The following SLC44A4 variants were observed in gnomAD, a reference collection of about 807,000 sequenced individuals.
SLC44A4 encodes choline transporter-like protein 4.
A neutral mutation model predicts 97.0 loss-of-function variants in SLC44A4; 74 were observed. The ratio of observed to expected loss-of-function variants is 0.76; its 90% confidence interval spans 0.63 to 0.93. SLC44A4 has a LOEUF of 0.93. SLC44A4 is among the 40% of genes least tolerant of loss of function. The pLI, the probability that SLC44A4 is intolerant of heterozygous loss-of-function variation, is 0.00. For synonymous variants in SLC44A4, 325 were observed against 363.8 expected (o/e 0.89, Z 1.21); for missense variants, 799 against 902.9 (o/e 0.88, Z 1.48).
chr6:31,869,487 T>C (rs1763031801), intron 12 of SLC44A4, 58 bp downstream of exon 12: 1 of 1,438,086 alleles, frequency 7.0e-7, no homozygotes, highest in Non-Finnish European at 9.6e-7. Flanking sequence ...AAGTATTGCT[T>C]TGTTTTCCAT....
intron 20 of SLC44A4, chr6:31,864,394 C>A (rs1230908917): frequency 3.5e-6 from 2 of 577,166 alleles, no homozygotes; most frequent in African/African-American, 1.9e-5. Flanking sequence ...CTAACTTCTA[C>A]CCGAGATTTC....
At position 31,864,901 on chromosome 6, in the gene SLC44A4, G is replaced by A. The variant is rs1270129377; in HGVS notation, c.1841C>T (p.Ser614Phe). The A allele has an allele frequency of 1.2e-6, 2 of 1,613,894 alleles. No homozygotes were observed. Among genetic ancestry groups the A allele is most frequent in the Admixed American group, 3.3e-5 (2 of 59,956 alleles). The change falls in exon 19 of 21, where the codon TCC becomes TTC. Residue 614 changes from serine to phenylalanine, a missense_variant. Transcript: ENST00000229729. ...LLVVGGVGVL[S>F]FFFFSGRIPG... is the part of the protein sequence containing the mutation. Reference sequence around the variant, plus strand: ...GATGCGACCGGAGAAAAAAAAGAAGGACAGGACCCCTGTGGAATAATTCTG... The same window carrying A: ...GATGCGACCGGAGAAAAAAAAGAAGAACAGGACCCCTGTGGAATAATTCTG...
rs976913132 is a variant in SLC44A4, at chr6:31,865,738, C to G, written c.1534G>C (p.Val512Leu). 1.2e-6 allele frequency: 2 copies of G among 1,613,586 alleles called. No homozygotes were observed. Among genetic ancestry groups the G allele is most frequent in the African/African-American group, 2.7e-5 (2 of 74,914 alleles). ...TCCAAGATGACCCGGGCTATCTGCA[C>G]AAGGGTCAGGATGAGGGCTCCAAAT... ...LAFGALILTL[V>L]QIARVILEYI... The change falls in exon 15 of 21, where the codon GTG becomes CTG. Residue 512 changes from valine to leucine, a missense_variant. Around this residue, in one of 3 missense-constraint regions of SLC44A4, gnomAD observed 379 missense variants for 438.3 expected, o/e 0.86. Transcript: ENST00000229729. This position sits in a 1 kb window ranked among gnomAD's most constrained non-coding sequence, Gnocchi z 5.2.
chr6:31,863,706 T>G lies in SLC44A4; in HGVS notation c.2054A>C (p.Tyr685Ser), dbSNP rs1273676154. ...CTTTAGAAGGCTCTTGGACATGTAG[T>G]AGGGCCGGTCCAGGGAGCCGTTGTT... ...ERNNGSLDRP[Y>S]YMSKSLLKIL... Residue 685 changes from tyrosine (Y) to serine (S), a missense_variant, in exon 21 of 21, where the codon TAC (tyrosine) becomes TCC (serine). Transcript: ENST00000229729. 1 of 1,612,710 alleles carries G rather than the reference T, an allele frequency of 6.2e-7. No homozygotes were observed. The highest frequency in any genetic ancestry group is 1.7e-5 in the Admixed American group (1 of 59,962).
Position 31,878,617 on chromosome 6 carries a change from G to A in SLC44A4, c.40+324C>T, listed in dbSNP as rs577900821. The stretch of plus-strand genomic sequence containing the variant: ...CCCCAACCTGCCACCTTCCATCTCG[G>A]CTTTGTTTCCTAGGGCCCTGCCCTT... On this transcript the variant is annotated intron_variant, in intron 1 of 20. Transcript: ENST00000229729. The surrounding 1 kb of genome is among the most constrained non-coding windows in gnomAD (Gnocchi z 4.0). Among the ~76,000 whole-genome samples the A allele has an allele frequency of 8.6e-5, 13 of 151,990 alleles. No individual in the cohort carries two copies. The highest frequency in any genetic ancestry group is 7.2e-4 in the Admixed American group (11 of 15,276).
Position 31,871,324 on chromosome 6 carries a change from A to G in SLC44A4, c.691T>C (p.Trp231Arg). The stretch of plus-strand genomic sequence containing the variant: ...AATCTGGTGACTCACACAAGAATCC[A>G]ATACCAGGACTGGGCAAAATCTTCA... ...IFEDFAQSWY[W>R]ILVALGVALV... is the part of the protein sequence containing the mutation. Residue 231 changes from tryptophan (W) to arginine (R), a missense_variant, in exon 9 of 21, where the codon TGG (tryptophan) becomes CGG (arginine). By Grantham distance (101) the Trp-to-Arg change is moderately radical. Transcript: ENST00000229729. 1 of 1,614,122 alleles carries G rather than the reference A, an allele frequency of 6.2e-7. No individual in the cohort carries two copies. The highest frequency in any genetic ancestry group is 8.5e-7 in the Non-Finnish European group (1 of 1,179,962).
Position 31,865,913 on chromosome 6 carries a change from G to A in SLC44A4, c.1447C>T (p.Pro483Ser). Reference protein sequence around the residue: ...YWAFHKPQDIPTFPLISAFIR... With the variant: ...YWAFHKPQDISTFPLISAFIR... ...AAGGCAGAGATTAAGGGGAAGGTAGGGATGTCCTGGGGCTTGTGGAAGGCC... is the reference window on the plus strand; with the variant it reads ...AAGGCAGAGATTAAGGGGAAGGTAGAGATGTCCTGGGGCTTGTGGAAGGCC... Residue 483 changes from proline to serine, a missense_variant, in exon 14 of 21, where the codon CCT becomes TCT. This residue lies in a region of SLC44A4 where 379 missense variants were observed against 438.3 expected (regional missense o/e 0.86). Coordinates refer to ENST00000229729, the MANE Select transcript of SLC44A4 (RefSeq NM_025257.3). The surrounding 1 kb of genome is among the most constrained non-coding windows in gnomAD (Gnocchi z 5.2). 6.2e-7 allele frequency: 1 copy of A among 1,614,206 alleles called. No homozygotes were observed. Among genetic ancestry groups the A allele is most frequent in the Non-Finnish European group, 8.5e-7 (1 of 1,180,038 alleles).
At position 31,865,616 on chromosome 6, in the gene SLC44A4, G is replaced by C; in HGVS notation, c.1583-15C>G. The C allele has an allele frequency of 6.2e-7, 1 of 1,607,370 alleles. No homozygotes were observed. The highest frequency in any genetic ancestry group is 8.5e-7 in the Non-Finnish European group (1 of 1,175,038). ...GTTCTGCACTCCTGGGAGCGAGGAA[G>C]GCTCATGTTTGGTCACTGCCCCTCC... On this transcript the variant is annotated splice_polypyrimidine_tract_variant and intron_variant, in intron 15 of 20. Coordinates refer to ENST00000229729, the MANE Select transcript of SLC44A4 (RefSeq NM_025257.3). The surrounding 1 kb of genome is among the most constrained non-coding windows in gnomAD (Gnocchi z 5.2).
rs764603659 is a variant in SLC44A4, at chr6:31,874,757, G to GT, written c.431dup (p.Asn144LysfsTer55). On this transcript the variant is annotated frameshift_variant, in exon 6 of 21. Coordinates refer to ENST00000229729, the MANE Select transcript of SLC44A4 (RefSeq NM_025257.3). LOFTEE classifies it high-confidence loss of function. This position sits in a 1 kb window ranked among gnomAD's most constrained non-coding sequence, Gnocchi z 4.8. ...GTACCCCTGGCAGACAAAAGTTCCT[G>GT]TTTTTTGTATAGAAGACTTCCCCAA... The GT allele has an allele frequency of 3.1e-6, 5 of 1,613,740 alleles. No homozygotes were observed. The African/African-American group carries it at 5.3e-5, about 17-fold the overall frequency.
rs1214055086 is a variant in SLC44A4, at chr6:31,863,737, C to G, written c.2023G>C (p.Glu675Gln). ...CGGTCCAGGGAGCCGTTGTTCCGCT[C>G]CAGGTCTTCCACTGAGCCGCAACAG... is the stretch of plus-strand genomic sequence containing the variant. ...TLFLCFLEDL[E>Q]RNNGSLDRPY... Residue 675 changes from glutamate (E) to glutamine (Q), a missense_variant, in exon 21 of 21, where the codon GAG (glutamate) becomes CAG (glutamine). Physicochemically the swap from Glu to Gln is conservative, Grantham distance 29. Coordinates refer to ENST00000229729, the MANE Select transcript of SLC44A4 (RefSeq NM_025257.3). 5 of 1,612,642 alleles carry G rather than the reference C, an allele frequency of 3.1e-6. No individual in the cohort carries two copies. Among genetic ancestry groups the G allele is most frequent in the Non-Finnish European group, 4.2e-6 (5 of 1,179,962 alleles).
At position 31,878,881 on chromosome 6, in the gene SLC44A4, T is replaced by G; in HGVS notation, c.40+60A>C. 1 of 1,574,116 alleles carries G rather than the reference T, an allele frequency of 6.4e-7. No homozygotes were observed. On this transcript the variant is annotated intron_variant, in intron 1 of 20. Coordinates refer to ENST00000229729, the MANE Select transcript of SLC44A4 (RefSeq NM_025257.3). This position sits in a 1 kb window ranked among gnomAD's most constrained non-coding sequence, Gnocchi z 4.0. Reference sequence around the variant, plus strand: ...TCCCTGGAGCCAGCCCCAGACACCATTCCCAAAGTACCCGTCCTCCCCTCC... The same window carrying G: ...TCCCTGGAGCCAGCCCCAGACACCAGTCCCAAAGTACCCGTCCTCCCCTCC...
In SLC44A4 at chr6:31,865,054, T is replaced by G; in HGVS notation, c.1787A>C (p.Asp596Ala). 6.2e-7 allele frequency: 1 copy of G among 1,613,492 alleles called. No homozygotes were observed. Among genetic ancestry groups the G allele is most frequent in the Non-Finnish European group, 8.5e-7 (1 of 1,180,034 alleles). ...VRVVVLDKVTDLLLFFGKLLV... is the reference protein window; with the variant it reads ...VRVVVLDKVTALLLFFGKLLV... Reference sequence around the variant, plus strand: ...CAGCTTCCCAAAGAACAGCAGCAGGTCTGTGACTTTGTCCAGGACGACCAC... The same window carrying G: ...CAGCTTCCCAAAGAACAGCAGCAGGGCTGTGACTTTGTCCAGGACGACCAC... The change falls in exon 18 of 21, where the codon GAC (aspartate) becomes GCC (alanine). Residue 596 changes from aspartate to alanine, a missense_variant. This residue lies in a region of SLC44A4 where 379 missense variants were observed against 438.3 expected (regional missense o/e 0.86). Transcript: ENST00000229729. The surrounding 1 kb of genome is among the most constrained non-coding windows in gnomAD (Gnocchi z 5.2).
Position 31,871,411 on chromosome 6 carries a change from A to G in SLC44A4, c.618-14T>C. 6.2e-7 allele frequency: 1 copy of G among 1,614,012 alleles called. No individual in the cohort carries two copies. Among genetic ancestry groups the G allele is most frequent in the Non-Finnish European group, 8.5e-7 (1 of 1,179,906 alleles). ...TCAATAAGACCGCTGTTGGGGAGAC[A>G]GAGTCAGATGGGGCTGTGGGTGGAA... On this transcript the variant is annotated splice_polypyrimidine_tract_variant and intron_variant, in intron 8 of 20. Transcript: ENST00000229729.
chr6:31,863,842 GCACCAC>G, intron 20 of SLC44A4, 94 bp from the exon 21 acceptor site: 1 of 1,536,960 alleles, frequency 6.5e-7, no homozygotes, highest in East Asian at 2.3e-5. Flanking sequence ...AATCCAAGCT[GCACCAC>G]CACCCTTACC....
rs1436626504 is a variant in SLC44A4 at position 31,876,978 on chromosome 6, A to C, written c.89+56T>G. On this transcript the variant is annotated intron_variant, in intron 2 of 20. Coordinates refer to ENST00000229729, the MANE Select transcript of SLC44A4 (RefSeq NM_025257.3). This position sits in a 1 kb window ranked among gnomAD's most constrained non-coding sequence, Gnocchi z 4.8. Reference sequence around the variant, plus strand: ...TTAGCAAATACAAAGCAAATACTGGATTCCACACTGCACCCACCACCCCCG... The same window carrying C: ...TTAGCAAATACAAAGCAAATACTGGCTTCCACACTGCACCCACCACCCCCG... The C allele has an allele frequency of 9.2e-6, 14 of 1,516,292 alleles. No individual in the cohort carries two copies. Among genetic ancestry groups the C allele is most frequent in the Non-Finnish European group, 1.3e-5 (14 of 1,112,766 alleles). 93.9% of individuals were successfully genotyped at this position (1,516,292 alleles called of 1,614,324 possible). A position where few individuals can be genotyped will look rare whatever the true frequency, so the allele number is the denominator to read the frequency against.
intron 7 of SLC44A4, 46 bp from the exon 8 acceptor site, chr6:31,871,607 C>T: frequency 6.8e-7 from 1 of 1,470,318 alleles, no homozygotes; most frequent in Non-Finnish European, 9.5e-7. Flanking sequence ...AGGAGCTCTG[C>T]CTGGAGGGTC....
Position 31,878,116 on chromosome 6 carries a change from G to A in SLC44A4, c.40+825C>T, listed in dbSNP as rs930305366. 8.5e-5 allele frequency: 13 copies of A among 152,136 alleles called. No homozygotes were observed. Among genetic ancestry groups the A allele is most frequent in the African/African-American group, 2.9e-4 (12 of 41,326 alleles). 9.4% of individuals were successfully genotyped at this position (152,136 alleles called of 1,614,324 possible). ...CCTTCACTGCTCGTGGGGATCTGGAGGCCAGTCCCCAGCTCCCTCTCTCCT... is the reference window on the plus strand; with the variant it reads ...CCTTCACTGCTCGTGGGGATCTGGAAGCCAGTCCCCAGCTCCCTCTCTCCT... On this transcript the variant is annotated intron_variant, in intron 1 of 20. Transcript: ENST00000229729. This position sits in a 1 kb window ranked among gnomAD's most constrained non-coding sequence, Gnocchi z 4.0.
chr6:31,869,473 G>A lies in SLC44A4; in HGVS notation c.1130+72C>T, dbSNP rs660594. On this transcript the variant is annotated intron_variant, in intron 12 of 20. Transcript: ENST00000229729. ...TCCAGTGACACCAAGGCACTCTACA[G>A]GGCAAGTATTGCTTTGTTTTCCATC... 0.57 allele frequency: 748,114 copies of A among 1,314,934 alleles called. 217,701 individuals carry two copies. Among genetic ancestry groups the A allele is most frequent in the Middle Eastern group, 0.79 (4,082 of 5,152 alleles). The allele number at this position is 1,314,934 out of a possible 1,614,324, so 81.5% of individuals were successfully genotyped here.
intron 11 of SLC44A4, 39 bp from the exon 12 acceptor site, chr6:31,869,676 C>T (rs183560816): frequency 6.6e-7 from 1 of 1,526,686 alleles, no homozygotes; most frequent in Non-Finnish European, 8.9e-7. Flanking sequence ...ACCGCCCCAG[C>T]TGTCCATCTT....
Sources: gnomAD v4.1 joint callset for allele counts (sites outside exome capture counted in the v4.1 genomes callset) on GRCh38, gnomAD v4.1.1 for gene constraint, gnomAD v4.1.1 regional missense constraint, Gnocchi (gnomAD v3.1) non-coding constraint, MANE v1.5 for transcripts, NCBI Gene and HGNC (gene_info 2026-07-23, HGNC 2026-07-21) for gene names.